Variants in TIAM1 observed in about 807,000 individuals in gnomAD.
The protein encoded by TIAM1 is rho guanine nucleotide exchange factor TIAM1.
Under a neutral mutation model 163.5 loss-of-function variants are expected in TIAM1, and 65 were observed. The ratio of observed to expected loss-of-function variants is 0.40; its 90% CI spans 0.33 to 0.49. The LOEUF is 0.49. TIAM1 is among the 20% of genes least tolerant of loss of function. The pLI is 0.77. For missense variants in TIAM1, 1,789 were observed against 2,044.7 expected (o/e 0.87, Z 2.41); for synonymous variants, 833 against 810.1 (o/e 1.03, Z -0.48).
intron 18 of TIAM1, 25 bp from the exon 19 acceptor site, chr21:31,152,786 C>A: frequency 6.2e-7 from 1 of 1,610,936 alleles, no homozygotes; most frequent in South Asian, 1.1e-5. Context: ...GAATTTAATG[C>A]ACCTCATATC....
chr21:31,405,709 G>A (rs513623), intron 2 of TIAM1, among the ~76,000 whole-genome samples: 151,867 of 152,196 alleles, frequency 1, 75,771 homozygotes, highest in Middle Eastern at 1. Context: ...CACTATCACA[G>A]GAACAGCACG....
intron 1 of TIAM1, among the ~76,000 whole-genome samples, chr21:31,531,065 A>G (rs1010522966): frequency 1.3e-5 from 2 of 152,126 alleles, no homozygotes; most frequent in Admixed American, 1.3e-4. Context: ...GCCTTGCCTC[A>G]CCTTTCTACA....
intron 2 of TIAM1, among the ~76,000 whole-genome samples, chr21:31,458,659 A>G (rs2045205830): frequency 6.6e-6 from 1 of 151,818 alleles, no homozygotes; most frequent in Non-Finnish European, 1.5e-5. Context: ...GGAACCCTTT[A>G]CTCTAATGGG....
intron 2 of TIAM1, among the ~76,000 whole-genome samples, chr21:31,372,980 G>T (rs538085653): frequency 6.6e-6 from 1 of 151,608 alleles, no homozygotes; most frequent in Non-Finnish European, 1.5e-5. Context: ...ACTTGAACCC[G>T]GGAGGCAGAG....
intron 1 of TIAM1, among the ~76,000 whole-genome samples, chr21:31,532,796 A>G (rs1284619306): frequency 6.6e-6 from 1 of 152,140 alleles, no homozygotes; most frequent in Non-Finnish European, 1.5e-5. Context: ...TCTCTACAAA[A>G]AATTAGCCCG....
intron 19 of TIAM1, among the ~76,000 whole-genome samples, chr21:31,152,251 T>G (rs1446878415): frequency 6.6e-6 from 1 of 152,184 alleles, no homozygotes; most frequent in Non-Finnish European, 1.5e-5. Flanking sequence ...CAGGCTGGTC[T>G]CAAACTCCTG....
At chr21:31,361,135 G>C (rs1473405418) in intron 2 of TIAM1, among the ~76,000 whole-genome samples, 2 of 152,134 alleles carry the variant, frequency 1.3e-5, no homozygotes, top group Non-Finnish European at 2.9e-5. Context: ...ACCAGCAGTA[G>C]AATGGATTAT....
chr21:31,119,667 CA>C lies in TIAM1; in HGVS notation c.*700del, dbSNP rs1263975840. 2 of 152,482 alleles carry C rather than the reference CA, an allele frequency of 1.3e-5. No individual in the cohort carries two copies. Among genetic ancestry groups the C allele is most frequent in the Admixed American group, 6.5e-5 (1 of 15,276 alleles). 9.4% of individuals were successfully genotyped at this position (152,482 alleles called of 1,614,324 possible). On this transcript the variant is annotated 3_prime_UTR_variant, in exon 28 of 28. Coordinates refer to ENST00000541036, the MANE Select transcript of TIAM1 (RefSeq NM_001353694.2). ...GTGCCCCTGTATCTCAGGTAAAATA[CA>C]AAAAATAGTGTTTCTTTTCTTTCTC...
At chr21:31,422,558 C>G (rs2043615123) in intron 2 of TIAM1, among the ~76,000 whole-genome samples, 1 of 152,106 alleles carries the variant, frequency 6.6e-6, no homozygotes, top group Non-Finnish European at 1.5e-5. Context: ...GGGAGCTGAA[C>G]ATACATATAA....
chr21:31,170,479 T>C (rs2084448960), intron 15 of TIAM1, among the ~76,000 whole-genome samples: 1 of 152,148 alleles, frequency 6.6e-6, no homozygotes, highest in Admixed American at 6.5e-5. Context: ...TTCTTGGAAC[T>C]AAATATTTTA....
chr21:31,389,487 G>A (rs1204036263), intron 2 of TIAM1, among the ~76,000 whole-genome samples: 1 of 152,208 alleles, frequency 6.6e-6, no homozygotes, highest in Non-Finnish European at 1.5e-5. Flanking sequence ...AGGATTACAG[G>A]CGAGAGCCAC....
intron 15 of TIAM1, among the ~76,000 whole-genome samples, chr21:31,181,201 T>G (rs1381311261): frequency 6.6e-6 from 1 of 152,092 alleles, no homozygotes; most frequent in Non-Finnish European, 1.5e-5. Context: ...ACTCACTCAC[T>G]CTCTTGCTGA....
At chr21:31,423,700 TAAAA>T (rs200137644) in intron 2 of TIAM1, among the ~76,000 whole-genome samples, 548 of 48,244 alleles carry the variant, frequency 0.011, 5 homozygotes, top group African/African-American at 0.042. Flanking sequence ...TAGAAAGTTG[TAAAA>T]AAAAAAAAAA....
chr21:31,201,293 A>G (rs780947681), intron 12 of TIAM1, among the ~76,000 whole-genome samples: 2 of 152,208 alleles, frequency 1.3e-5, no homozygotes, highest in Non-Finnish European at 1.5e-5. Context: ...TCCCCAGGCC[A>G]GAAAAAGAAT....
chr21:31,423,308 C>A lies in TIAM1; in HGVS notation c.-369+40675G>T, dbSNP rs539834630. On this transcript the variant is annotated intron_variant, in intron 2 of 28. Coordinates refer to the TIAM1 transcript ENST00000286827. ...AGAGACAGGGTTTCACCATGTTAGC[C>A]AGGATAGTCTCGATCTCCTGACCTC... is the stretch of plus-strand genomic sequence containing the variant. Among the ~76,000 whole-genome samples, 75 of 152,008 alleles carry A rather than the reference C, an allele frequency of 4.9e-4. 1 individual carries two copies. Among genetic ancestry groups the A allele is most frequent in the Non-Finnish European group, 1.0e-3 (68 of 67,974 alleles).
chr21:31,179,344 G>A (rs2084908659), intron 15 of TIAM1, among the ~76,000 whole-genome samples: 1 of 151,492 alleles, frequency 6.6e-6, no homozygotes, highest in African/African-American at 2.4e-5. Context: ...CCAAGATGGC[G>A]CCATTGCACT....
chr21:31,143,971 C>T (rs937226914), intron 20 of TIAM1, among the ~76,000 whole-genome samples: 15 of 151,982 alleles, frequency 9.9e-5, no homozygotes, highest in African/African-American at 1.5e-4. Flanking sequence ...TGACCTCAAA[C>T]GATCTGCCCA....
At chr21:31,390,713 A>G (rs1296997965) in intron 2 of TIAM1, among the ~76,000 whole-genome samples, 2 of 152,220 alleles carry the variant, frequency 1.3e-5, no homozygotes, top group South Asian at 2.1e-4. Context: ...GTATAAATGT[A>G]TATTTTGCTG....
At chr21:31,540,186 G>C (rs2048276199) in intron 1 of TIAM1, among the ~76,000 whole-genome samples, 1 of 152,004 alleles carries the variant, frequency 6.6e-6, no homozygotes, top group Non-Finnish European at 1.5e-5. Context: ...GGGAGTTCAA[G>C]TCTACCTTGG....
Sources: gnomAD v4.1 joint callset for allele counts (sites outside exome capture counted in the v4.1 genomes callset) on GRCh38, gnomAD v4.1.1 for gene constraint, MANE v1.5 for transcripts, NCBI Gene and HGNC (gene_info 2026-07-23, HGNC 2026-07-21) for gene names.